The following TTC7A variants were observed in gnomAD, a reference collection of about 807,000 sequenced individuals.
TTC7A encodes tetratricopeptide repeat protein 7A.
TTC7A carries 110 observed loss-of-function variants against 103.7 expected under a neutral mutation model. That is an observed-to-expected ratio of 1.06 (90% CI 0.91 to 1.24). The LOEUF (loss-of-function observed/expected upper bound fraction) is 1.24, where lower values mean the gene tolerates loss of function less well. TTC7A is among the 50% of genes most tolerant of loss of function. TTC7A has a pLI of 0.00. For synonymous variants in TTC7A, 521 were observed against 467.9 expected (o/e 1.11, Z -1.47); for missense variants, 1,340 against 1,116.3 (o/e 1.20, Z -2.86).
At chr2:47,061,269 A>C (rs1324140545) in intron 19 of TTC7A, among the ~76,000 whole-genome samples, 3 of 152,164 alleles carry the variant, frequency 2.0e-5, no homozygotes, top group African/African-American at 7.2e-5. Flanking sequence ...AGGGTTCCGC[A>C]AAGGGATCTA....
At position 46,978,947 on chromosome 2, in the gene TTC7A, C is replaced by G. The variant is rs776283169; in HGVS notation, c.764+40C>G. 2.0e-6 allele frequency: 3 copies of G among 1,473,482 alleles called. 1 individual carries two copies. In the South Asian group the frequency reaches 3.4e-5, roughly 17 times the overall value. 91.3% of individuals were successfully genotyped at this position (1,473,482 alleles called of 1,614,324 possible). ...GTTGAGTGAGTGGGAGAACGATTCC[C>G]CTGGGCTGAGGCTTTTGACGTGGCC... On this transcript the variant is annotated intron_variant, in intron 5 of 19. Transcript: ENST00000319190.
intron 17 of TTC7A, among the ~76,000 whole-genome samples, chr2:47,051,242 C>CT (rs949252735): frequency 1.3e-5 from 2 of 152,204 alleles, no homozygotes; most frequent in Admixed American, 6.5e-5. Context: ...GCCTTTCAGA[C>CT]TTTTTTCCAT....
intron 2 of TTC7A, among the ~76,000 whole-genome samples, chr2:46,953,915 G>A (rs1315477023): frequency 6.9e-6 from 1 of 145,704 alleles, no homozygotes; most frequent in Non-Finnish European, 1.5e-5. Flanking sequence ...CTCTTGCCTT[G>A]GTCTCCCAAA....
intron 16 of TTC7A, among the ~76,000 whole-genome samples, chr2:47,049,097 G>A (rs1682606965): frequency 6.6e-6 from 1 of 152,172 alleles, no homozygotes; most frequent in Admixed American, 6.5e-5. Flanking sequence ...TTCATTGTGG[G>A]ATCATCATCT....
chr2:47,073,088 C>T (rs1163994020), intron 19 of TTC7A, among the ~76,000 whole-genome samples: 1 of 152,198 alleles, frequency 6.6e-6, no homozygotes, highest in Non-Finnish European at 1.5e-5. Context: ...TGACTCTCCT[C>T]CCATGACCCT....
chr2:47,016,360 T>C (rs914772956), intron 11 of TTC7A, among the ~76,000 whole-genome samples: 6 of 152,230 alleles, frequency 3.9e-5, no homozygotes, highest in Admixed American at 3.9e-4. Flanking sequence ...TGCTACTTCC[T>C]AGACAGGTGA....
At chr2:46,985,129 G>A (rs868119416) in intron 5 of TTC7A, among the ~76,000 whole-genome samples, 1 of 152,110 alleles carries the variant, frequency 6.6e-6, no homozygotes, top group Admixed American at 6.6e-5. Flanking sequence ...TTGACTGACC[G>A]TCACCCCCCA....
upstream of TTC7A, among the ~76,000 whole-genome samples, chr2:46,938,479 T>C (rs1160798472): frequency 1.3e-5 from 2 of 152,200 alleles, no homozygotes; most frequent in African/African-American, 4.8e-5. Context: ...TGTGACACTA[T>C]ACTTTAATAA....
At chr2:47,051,121 A>G (rs1353446922) in intron 17 of TTC7A, among the ~76,000 whole-genome samples, 4 of 152,218 alleles carry the variant, frequency 2.6e-5, no homozygotes, top group Non-Finnish European at 1.5e-5. Context: ...TTGAATGGGT[A>G]CCTTTCTACA....
chr2:47,032,292 CA>C (rs1048299708), intron 15 of TTC7A, among the ~76,000 whole-genome samples: 9 of 152,208 alleles, frequency 5.9e-5, no homozygotes, highest in Non-Finnish European at 1.3e-4. Flanking sequence ...AGCCCGACCT[CA>C]AAAAGGTTGA....
At position 47,020,002 on chromosome 2, in the gene TTC7A, C is replaced by T. The variant is rs575675709; in HGVS notation, c.1393-1860C>T. Among the ~76,000 whole-genome samples the T allele has an allele frequency of 3.7e-4, 56 of 152,316 alleles. 2 individuals are homozygous for T. The highest frequency in any genetic ancestry group is 3.4e-3 in the Admixed American group (52 of 15,310). ...GGTAACCACAGCCACCTGATAAGCTCTTGGAGTTCCAGTAGCCCTATGTCA... is the reference window on the plus strand; with the variant it reads ...GGTAACCACAGCCACCTGATAAGCTTTTGGAGTTCCAGTAGCCCTATGTCA... On this transcript the variant is annotated intron_variant, in intron 11 of 19. Transcript: ENST00000319190.
chr2:46,932,149 G>T (rs1331844790), intron 2 of TTC7A, among the ~76,000 whole-genome samples: 1 of 151,322 alleles, frequency 6.6e-6, no homozygotes, highest in Non-Finnish European at 1.5e-5. Flanking sequence ...GGGCTTCTGG[G>T]ATTCTTTTTT....
chr2:47,048,761 T>C (rs987644847), intron 16 of TTC7A, among the ~76,000 whole-genome samples: 1 of 151,788 alleles, frequency 6.6e-6, no homozygotes, highest in African/African-American at 2.4e-5. Flanking sequence ...CACGACCATG[T>C]CTGGTTAATT....
chr2:46,994,247 G>T, intron 6 of TTC7A, 110 bp from the exon 7 acceptor site: 7 of 1,339,298 alleles, frequency 5.2e-6, no homozygotes, highest in Non-Finnish European at 6.1e-6. Flanking sequence ...CCAAAGGGCC[G>T]CACATTGCAA....
intron 19 of TTC7A, among the ~76,000 whole-genome samples, chr2:47,068,968 T>C (rs1807328): frequency 0.81 from 122,373 of 151,358 alleles, 49,690 homozygotes; most frequent in East Asian, 0.93. Flanking sequence ...AACTGTCCTT[T>C]ACTGTGCCTT....
At chr2:47,017,068 C>T (rs938495254) in intron 11 of TTC7A, among the ~76,000 whole-genome samples, 3 of 151,676 alleles carry the variant, frequency 2.0e-5, no homozygotes, top group Non-Finnish European at 4.4e-5. Flanking sequence ...GGCATGGTGG[C>T]GGGCACCTGT....
intron 4 of TTC7A, among the ~76,000 whole-genome samples, chr2:46,976,471 T>A (rs571593181): frequency 3.3e-5 from 5 of 152,302 alleles, no homozygotes; most frequent in African/African-American, 1.2e-4. Context: ...GAGGAGGTGG[T>A]CATGGGCCGA....
At chr2:47,031,725 C>G (rs1332174870) in intron 15 of TTC7A, among the ~76,000 whole-genome samples, 1 of 152,246 alleles carries the variant, frequency 6.6e-6, no homozygotes, top group Non-Finnish European at 1.5e-5. Flanking sequence ...ATCCCAGCAC[C>G]TGACATCTCA....
intron 5 of TTC7A, among the ~76,000 whole-genome samples, chr2:46,990,730 G>A (rs1558546117): frequency 6.6e-6 from 1 of 152,106 alleles, no homozygotes; most frequent in East Asian, 1.9e-4. Context: ...ACAGACTTAG[G>A]GACTGGCTGC....
Sources: allele counts gnomAD v4.1 joint callset (sites outside exome capture counted in the v4.1 genomes callset), GRCh38; gene constraint gnomAD v4.1.1; transcripts MANE v1.5; gene names NCBI Gene and HGNC (gene_info 2026-07-23, HGNC 2026-07-21).